The following CTNNA3 variants were observed in gnomAD, a reference collection of about 807,000 sequenced individuals.
CTNNA3 encodes the protein catenin alpha 3.
CTNNA3 carries 76 observed loss-of-function variants against 95.7 expected under a neutral mutation model. That is an observed-to-expected ratio of 0.79 (90% CI 0.66 to 0.96). CTNNA3 has a LOEUF of 0.96. Ranked by LOEUF, CTNNA3 falls within the 40% of genes least tolerant of loss-of-function variation. The pLI is 0.00. For synonymous variants in CTNNA3, 431 were observed against 374.4 expected, an observed-to-expected ratio of 1.15 and a Z score of -1.74; for missense variants, 1,191 against 1,089.8, an observed-to-expected ratio of 1.09 and a Z score of -1.31.
intron 17 of CTNNA3, among the ~76,000 whole-genome samples, chr10:65,959,555 G>A (rs745852859): frequency 2.4e-4 from 36 of 152,046 alleles, no homozygotes; most frequent in Non-Finnish European, 4.3e-4. Flanking sequence ...GACAAGGTCT[G>A]GCTCTATCAC....
At chr10:66,065,292 C>T (rs1380268691) in intron 15 of CTNNA3, among the ~76,000 whole-genome samples, 1 of 150,706 alleles carries the variant, frequency 6.6e-6, no homozygotes, top group Admixed American at 6.6e-5. Context: ...TCATTTTTGG[C>T]TATAGCTTTT....
chr10:66,466,909 G>A (rs1486199219), intron 11 of CTNNA3, among the ~76,000 whole-genome samples: 1 of 151,992 alleles, frequency 6.6e-6, no homozygotes. Flanking sequence ...CTTCTTCATG[G>A]CATTCATTAC....
chr10:66,578,760 G>A (rs1843085266), intron 10 of CTNNA3, among the ~76,000 whole-genome samples: 2 of 149,174 alleles, frequency 1.3e-5, no homozygotes, highest in Admixed American at 1.4e-4. Flanking sequence ...GTTCATTGGG[G>A]ATATTGGCCT....
chr10:67,430,269 G>C (rs747830630), intron 5 of CTNNA3, among the ~76,000 whole-genome samples: 13 of 151,956 alleles, frequency 8.6e-5, no homozygotes, highest in Non-Finnish European at 1.9e-4. Context: ...TCCTAGAAAA[G>C]TGCTAGATTA....
chr10:66,322,166 C>G (rs2092196871), intron 12 of CTNNA3, among the ~76,000 whole-genome samples: 1 of 152,064 alleles, frequency 6.6e-6, no homozygotes, highest in Non-Finnish European at 1.5e-5. Flanking sequence ...GAATCACACA[C>G]TTATATCTGT....
intron 13 of CTNNA3, among the ~76,000 whole-genome samples, chr10:66,236,819 A>G (rs745683703): frequency 1.3e-5 from 2 of 151,630 alleles, no homozygotes; most frequent in Non-Finnish European, 2.9e-5. Flanking sequence ...ATAGTTGATA[A>G]AAGCCTCAAA....
chr10:67,584,968 G>A (rs944180450), intron 3 of CTNNA3, among the ~76,000 whole-genome samples: 1 of 152,196 alleles, frequency 6.6e-6, no homozygotes, highest in South Asian at 2.1e-4. Flanking sequence ...CGTCTGTCAC[G>A]GCTTTCCTTG....
chr10:67,704,667 A>T (rs1377825518), intron 1 of CTNNA3, among the ~76,000 whole-genome samples: 1 of 152,162 alleles, frequency 6.6e-6, no homozygotes, highest in Non-Finnish European at 1.5e-5. Context: ...CTAAAACCAT[A>T]AAAACCCTAG....
intron 5 of CTNNA3, among the ~76,000 whole-genome samples, chr10:67,477,665 A>G (rs1159628943): frequency 1.3e-5 from 2 of 152,174 alleles, no homozygotes; most frequent in Admixed American, 6.5e-5. Flanking sequence ...ACAATATTAC[A>G]AGGAAAGAAA....
At chr10:66,050,044 C>T (rs2079914823) in intron 15 of CTNNA3, among the ~76,000 whole-genome samples, 1 of 152,026 alleles carries the variant, frequency 6.6e-6, no homozygotes, top group African/African-American at 2.4e-5. Context: ...TTTGGTATTA[C>T]AATATATTAT....
intron 5 of CTNNA3, among the ~76,000 whole-genome samples, chr10:67,491,100 A>T (rs980752017): frequency 6.6e-6 from 1 of 152,160 alleles, no homozygotes; most frequent in Non-Finnish European, 1.5e-5. Flanking sequence ...TCAGTTGAAA[A>T]TATCCCCTCA....
chr10:66,384,881 A>C (rs968650443), intron 11 of CTNNA3, among the ~76,000 whole-genome samples: 11 of 152,138 alleles, frequency 7.2e-5, no homozygotes, highest in Non-Finnish European at 1.0e-4. Flanking sequence ...AAAAGATGTT[A>C]TTTGAAACCA....
At chr10:67,546,010 T>C (rs968727832) in intron 3 of CTNNA3, among the ~76,000 whole-genome samples, 1 of 152,188 alleles carries the variant, frequency 6.6e-6, no homozygotes, top group African/African-American at 2.4e-5. Flanking sequence ...ACTATGCACC[T>C]AAATAAATTT....
intron 7 of CTNNA3, among the ~76,000 whole-genome samples, chr10:67,054,109 G>C (rs1041772209): frequency 6.6e-6 from 1 of 151,906 alleles, no homozygotes; most frequent in Admixed American, 6.6e-5. Context: ...AGTATCCATC[G>C]CTCCTTTATA....
chr10:67,188,758 G>A (rs1466426743), intron 6 of CTNNA3, among the ~76,000 whole-genome samples: 2 of 152,064 alleles, frequency 1.3e-5, no homozygotes, highest in South Asian at 2.1e-4. Context: ...TCTACCAATG[G>A]CCAAATGGAT....
chr10:66,301,141 T>C (rs1042446149), intron 12 of CTNNA3, among the ~76,000 whole-genome samples: 7 of 152,048 alleles, frequency 4.6e-5, no homozygotes, highest in African/African-American at 1.7e-4. Flanking sequence ...ATAGATAACA[T>C]GAATAGGCTT....
chr10:65,948,242 C>T, intron 17 of CTNNA3, among the ~76,000 whole-genome samples: 1 of 144,610 alleles, frequency 6.9e-6, no homozygotes, highest in Non-Finnish European at 1.5e-5. Flanking sequence ...GATCATGCCA[C>T]TGCACTCCAG....
At chr10:66,922,179 C>T (rs1846822444) in intron 7 of CTNNA3, among the ~76,000 whole-genome samples, 1 of 151,924 alleles carries the variant, frequency 6.6e-6, no homozygotes, top group Non-Finnish European at 1.5e-5. Flanking sequence ...TCATTAAGGC[C>T]CTGGATGCAT....
intron 15 of CTNNA3, among the ~76,000 whole-genome samples, chr10:66,055,757 A>G (rs1365796452): frequency 6.6e-6 from 1 of 151,906 alleles, no homozygotes; most frequent in African/African-American, 2.4e-5. Context: ...CCCCATCTCT[A>G]CTAAAAATAC....
Sources: gnomAD v4.1 joint callset for allele counts (sites outside exome capture counted in the v4.1 genomes callset) on GRCh38, gnomAD v4.1.1 for gene constraint, MANE v1.5 for transcripts, NCBI Gene and HGNC (gene_info 2026-07-23, HGNC 2026-07-21) for gene names.